RAB3GAP1: variants seen among roughly 807,000 people sequenced by gnomAD.
RAB3GAP1 encodes the protein RAB3 GTPase activating protein catalytic subunit 1, also known as rab3 GTPase-activating protein catalytic subunit.
Under a neutral mutation model 130.7 loss-of-function variants are expected in RAB3GAP1, and 86 were observed. That is an observed-to-expected ratio of 0.66 (90% CI 0.55 to 0.79). RAB3GAP1 has a LOEUF of 0.79. Among genes scored for constraint, RAB3GAP1 ranks in the 30% least tolerant of loss-of-function variants. The pLI is 0.00. For missense variants in RAB3GAP1, 1,029 were observed against 1,169.4 expected (o/e 0.88, Z 1.75); for synonymous variants, 367 against 401.7 (o/e 0.91, Z 1.03).
At chr2:135,062,160 C>G (rs1313513868) in intron 3 of RAB3GAP1, among the ~76,000 whole-genome samples, 3 of 152,124 alleles carry the variant, frequency 2.0e-5, no homozygotes, top group Admixed American at 1.3e-4. Flanking sequence ...CTGATCCGCC[C>G]GCCTCGGCTT....
At chr2:135,130,969 G>A (rs1042555099) in intron 13 of RAB3GAP1, among the ~76,000 whole-genome samples, 1 of 152,216 alleles carries the variant, frequency 6.6e-6, no homozygotes, top group Non-Finnish European at 1.5e-5. Flanking sequence ...GTCTCTGTCT[G>A]GGCAGTGGGA....
chr2:135,148,491 CTTTTTTTTTTT>C (rs571757000), intron 17 of RAB3GAP1, among the ~76,000 whole-genome samples: 27 of 108,124 alleles, frequency 2.5e-4, no homozygotes, highest in Non-Finnish European at 4.4e-4. Context: ...GCTAGTAATT[CTTTTTTTTTTT>C]TTTTTTTTTT....
intron 8 of RAB3GAP1, among the ~76,000 whole-genome samples, chr2:135,123,081 G>A (rs949926604): frequency 2.6e-5 from 4 of 152,002 alleles, no homozygotes; most frequent in African/African-American, 9.7e-5. Context: ...CCATGTAACT[G>A]GCTTAAAGTC....
chr2:135,054,446 A>G (rs922502267), intron 2 of RAB3GAP1, among the ~76,000 whole-genome samples: 8 of 152,216 alleles, frequency 5.3e-5, no homozygotes, highest in Admixed American at 3.9e-4. Flanking sequence ...CTGGAATACA[A>G]AGGGAACCTA....
intron 3 of RAB3GAP1, among the ~76,000 whole-genome samples, chr2:135,066,475 G>T (rs1200332918): frequency 1.3e-5 from 2 of 152,178 alleles, no homozygotes; most frequent in Non-Finnish European, 2.9e-5. Flanking sequence ...ATAAGGCTTT[G>T]AGTTCATGTG....
chr2:135,086,639 G>T (rs1689991231), intron 3 of RAB3GAP1, among the ~76,000 whole-genome samples: 1 of 112,758 alleles, frequency 8.9e-6, no homozygotes. Flanking sequence ...TGTTTTTCCT[G>T]TAGTCCATTG....
intron 3 of RAB3GAP1, among the ~76,000 whole-genome samples, chr2:135,086,834 C>T (rs1437982794): frequency 6.6e-6 from 1 of 151,758 alleles, no homozygotes; most frequent in African/African-American, 2.4e-5. Context: ...ACCACCATGC[C>T]TAGCTAATTA....
intron 3 of RAB3GAP1, among the ~76,000 whole-genome samples, chr2:135,081,343 T>A (rs866467661): frequency 1.5e-3 from 133 of 89,000 alleles, no homozygotes; most frequent in African/African-American, 7.8e-3. Context: ...TATATATATA[T>A]ATATATATAT....
intron 17 of RAB3GAP1, among the ~76,000 whole-genome samples, chr2:135,149,370 G>A (rs148248286): frequency 3.1e-4 from 47 of 152,274 alleles, no homozygotes; most frequent in African/African-American, 1.1e-3. Context: ...TTAATTGCTA[G>A]TATCTATCGA....
At chr2:135,163,206 T>C in intron 22 of RAB3GAP1, 105 bp downstream of exon 22, 1 of 806,908 alleles carries the variant, frequency 1.2e-6, no homozygotes, top group East Asian at 2.6e-5. Context: ...GGTAATCATA[T>C]ATTATTTGAA....
At chr2:135,117,594 G>GCTTCTTCTTCTTCTTCTTCTTCTT (rs1691038567) in intron 7 of RAB3GAP1, among the ~76,000 whole-genome samples, 2 of 19,136 alleles carry the variant, frequency 1.0e-4, no homozygotes, top group Non-Finnish European at 1.2e-4. Flanking sequence ...TTCTTCTTCT[G>GCTTCTTCTTCTTCTTCTTCTTCTT]CTGCTTCTTC....
intron 22 of RAB3GAP1, among the ~76,000 whole-genome samples, chr2:135,164,258 A>G (rs569438113): frequency 1.3e-5 from 2 of 152,360 alleles, no homozygotes; most frequent in East Asian, 3.9e-4. Flanking sequence ...AACTTGGTTT[A>G]TATTATACAA....
chr2:135,092,486 T>C (rs1486762146), intron 4 of RAB3GAP1, among the ~76,000 whole-genome samples: 1 of 152,144 alleles, frequency 6.6e-6, no homozygotes, highest in Non-Finnish European at 1.5e-5. Context: ...GTCCAGGCTG[T>C]AGGGCAATGG....
At chr2:135,167,643 TCTTG>T in intron 23 of RAB3GAP1, 1 of 1,435,944 alleles carries the variant, frequency 7.0e-7, no homozygotes, top group South Asian at 1.2e-5. Flanking sequence ...ATTTAAACCA[TCTTG>T]CTTGTTTCCC....
At chr2:135,126,463 T>G in intron 10 of RAB3GAP1, 120 bp from the exon 11 acceptor site, 2 of 1,055,404 alleles carry the variant, frequency 1.9e-6, no homozygotes, top group South Asian at 2.6e-5. Flanking sequence ...AGAGTAAGTT[T>G]AAGGGAGGCT....
chr2:135,118,150 CCTT>C (rs1427155246), intron 7 of RAB3GAP1, among the ~76,000 whole-genome samples: 1 of 152,100 alleles, frequency 6.6e-6, no homozygotes. Context: ...GGGCCTTAGT[CCTT>C]CTTCTTAAGA....
At chr2:135,106,012 G>A (rs1218386876) in intron 5 of RAB3GAP1, among the ~76,000 whole-genome samples, 1 of 152,064 alleles carries the variant, frequency 6.6e-6, no homozygotes, top group Non-Finnish European at 1.5e-5. Flanking sequence ...CCCCGTCTGA[G>A]AAGTGAGGAG....
chr2:135,071,549 A>G (rs888904952), intron 3 of RAB3GAP1, among the ~76,000 whole-genome samples: 1 of 150,218 alleles, frequency 6.7e-6, no homozygotes, highest in Admixed American at 6.6e-5. Flanking sequence ...AAAAAAAAGA[A>G]TTATTAGAGA....
intron 5 of RAB3GAP1, 127 bp from the exon 6 acceptor site, chr2:135,113,024 A>C (rs1690859628): frequency 7.5e-7 from 1 of 1,329,032 alleles, no homozygotes; most frequent in Non-Finnish European, 1.1e-6. Flanking sequence ...TGCCATTAAA[A>C]GAAACACTTT....
Sources: gnomAD v4.1 joint callset for allele counts (sites outside exome capture counted in the v4.1 genomes callset) on GRCh38, gnomAD v4.1.1 for gene constraint, MANE v1.5 for transcripts, NCBI Gene and HGNC (gene_info 2026-07-23, HGNC 2026-07-21) for gene names.